TRPC4: variants seen among roughly 807,000 people sequenced by gnomAD.
TRPC4 encodes the protein short transient receptor potential channel 4.
A neutral mutation model predicts 99.4 loss-of-function variants in TRPC4; 49 were observed. The observed-to-expected ratio is 0.49, with a 90% CI of 0.39 to 0.63. The LOEUF (loss-of-function observed/expected upper bound fraction) is 0.63. TRPC4 is among the 20% of genes least tolerant of loss of function. The pLI, the probability that TRPC4 is intolerant of heterozygous loss-of-function variation, is 0.00. For missense variants in TRPC4, 898 were observed against 1,152.9 expected (o/e 0.78, Z 3.20); for synonymous variants, 454 against 425.9 (o/e 1.07, Z -0.81).
intron 3 of TRPC4, among the ~76,000 whole-genome samples, chr13:37,713,267 A>G (rs1436795646): frequency 1.3e-5 from 2 of 152,172 alleles, no homozygotes; most frequent in Non-Finnish European, 2.9e-5. Flanking sequence ...ATTCCAAGTC[A>G]GTAGTTACAG....
In TRPC4 at chr13:37,724,325, A is replaced by G. The variant is rs567225850; in HGVS notation, c.897+21612T>C. Among the ~76,000 whole-genome samples, 161 of 152,294 alleles carry G rather than the reference A, an allele frequency of 1.1e-3. 1 individual carries two copies. The highest frequency in any genetic ancestry group is 3.8e-3 in the African/African-American group (156 of 41,574). ...CAGATATCTGGTTTTGGAGATGTAC[A>G]CAGGAAAACATCTGGGACTATTTCC... On this transcript the variant is annotated intron_variant, in intron 3 of 10. Coordinates refer to ENST00000379705, the MANE Select transcript of TRPC4 (RefSeq NM_016179.4).
At chr13:37,779,303 A>G (rs1956779692) in intron 2 of TRPC4, among the ~76,000 whole-genome samples, 1 of 152,030 alleles carries the variant, frequency 6.6e-6, no homozygotes. Context: ...AGAAGGTTAA[A>G]GCCAAGTTCA....
intron 6 of TRPC4, among the ~76,000 whole-genome samples, chr13:37,660,954 A>G (rs1408025287): frequency 6.6e-6 from 1 of 152,234 alleles, no homozygotes; most frequent in Non-Finnish European, 1.5e-5. Context: ...ACTTAAGCCT[A>G]GGACCTCCTG....
intron 1 of TRPC4, among the ~76,000 whole-genome samples, chr13:37,840,665 A>C (rs186424587): frequency 3.0e-4 from 45 of 152,136 alleles, no homozygotes; most frequent in African/African-American, 7.0e-4. Flanking sequence ...AGATTAATAA[A>C]TTCCTGTTTA....
chr13:37,682,815 T>A (rs1953295950), intron 4 of TRPC4, among the ~76,000 whole-genome samples: 1 of 152,076 alleles, frequency 6.6e-6, no homozygotes, highest in Admixed American at 6.6e-5. Context: ...TAGTGGTGCA[T>A]TATATCTCAC....
chr13:37,736,311 A>G (rs1399518999), intron 3 of TRPC4, among the ~76,000 whole-genome samples: 1 of 152,160 alleles, frequency 6.6e-6, no homozygotes, highest in Non-Finnish European at 1.5e-5. Flanking sequence ...GAGAAAAGAG[A>G]GGCAGATGCT....
chr13:37,682,752 G>A (rs539047925), intron 4 of TRPC4, among the ~76,000 whole-genome samples: 40 of 151,952 alleles, frequency 2.6e-4, no homozygotes, highest in Admixed American at 3.9e-4. Flanking sequence ...TGTTTTTGTC[G>A]TTGTTGTTAT....
At chr13:37,666,126 ACT>A (rs1952639593) in intron 5 of TRPC4, among the ~76,000 whole-genome samples, 1 of 152,142 alleles carries the variant, frequency 6.6e-6, no homozygotes, top group African/African-American at 2.4e-5. Flanking sequence ...TTGTGCTTAC[ACT>A]CTCAGAATAA....
At chr13:37,768,884 T>C (rs994733754) in intron 2 of TRPC4, among the ~76,000 whole-genome samples, 4 of 151,432 alleles carry the variant, frequency 2.6e-5, no homozygotes, top group African/African-American at 9.7e-5. Flanking sequence ...GGATCAGGTA[T>C]ACAGTGAGTG....
At chr13:37,698,826 TAAAC>T (rs1386417090) in intron 3 of TRPC4, among the ~76,000 whole-genome samples, 1 of 152,170 alleles carries the variant, frequency 6.6e-6, no homozygotes, top group African/African-American at 2.4e-5. Flanking sequence ...AAACCAGTGT[TAAAC>T]AGACTGGGAT....
chr13:37,683,925 A>G (rs747719356), intron 4 of TRPC4, among the ~76,000 whole-genome samples: 4 of 152,234 alleles, frequency 2.6e-5, no homozygotes, highest in Non-Finnish European at 5.9e-5. Flanking sequence ...TTGAAATTTC[A>G]GAAAATTTAT....
intron 3 of TRPC4, among the ~76,000 whole-genome samples, chr13:37,742,545 C>A (rs1955624514): frequency 6.6e-6 from 1 of 152,040 alleles, no homozygotes; most frequent in Non-Finnish European, 1.5e-5. Context: ...ATAATGAGGA[C>A]ATTTATCCAA....
intron 1 of TRPC4, among the ~76,000 whole-genome samples, chr13:37,808,731 T>C (rs1166455243): frequency 6.6e-6 from 1 of 152,056 alleles, no homozygotes; most frequent in East Asian, 1.9e-4. Flanking sequence ...CAGCCAAGGT[T>C]ACTCTATTCT....
intron 3 of TRPC4, among the ~76,000 whole-genome samples, chr13:37,710,665 C>T (rs1954453035): frequency 6.6e-6 from 1 of 151,868 alleles, no homozygotes; most frequent in Non-Finnish European, 1.5e-5. Flanking sequence ...CTTTCTACTT[C>T]CAAACACATT....
intron 3 of TRPC4, among the ~76,000 whole-genome samples, chr13:37,742,898 A>C (rs1467740915): frequency 6.6e-6 from 1 of 152,166 alleles, no homozygotes; most frequent in Admixed American, 6.6e-5. Context: ...GTATATATGA[A>C]AGTAAAATGT....
At chr13:37,790,676 C>T (rs775304807) in intron 1 of TRPC4, among the ~76,000 whole-genome samples, 1 of 152,124 alleles carries the variant, frequency 6.6e-6, no homozygotes, top group East Asian at 1.9e-4. Flanking sequence ...TTGCCTCATC[C>T]TAATCATTTT....
chr13:37,723,009 A>G (rs895947848), intron 3 of TRPC4, among the ~76,000 whole-genome samples: 1 of 152,178 alleles, frequency 6.6e-6, no homozygotes, highest in Admixed American at 6.5e-5. Context: ...ACTAGTACTT[A>G]ATGGGAGCTA....
At chr13:37,778,548 C>T (rs980836391) in intron 2 of TRPC4, among the ~76,000 whole-genome samples, 2 of 151,800 alleles carry the variant, frequency 1.3e-5, no homozygotes, top group Non-Finnish European at 2.9e-5. Flanking sequence ...CAATTGAGTC[C>T]CCTTTCCTGT....
chr13:37,830,630 T>G (rs1424227363), intron 1 of TRPC4, among the ~76,000 whole-genome samples: 1 of 151,438 alleles, frequency 6.6e-6, no homozygotes, highest in East Asian at 1.9e-4. Flanking sequence ...AAGAATCACT[T>G]GAACCTGGGA....
Sources: gnomAD v4.1 joint callset for allele counts (sites outside exome capture counted in the v4.1 genomes callset) on GRCh38, gnomAD v4.1.1 for gene constraint, MANE v1.5 for transcripts, NCBI Gene and HGNC (gene_info 2026-07-23, HGNC 2026-07-21) for gene names.